The following SF3B3 variants were observed in gnomAD, a reference collection of about 807,000 sequenced individuals.
SF3B3 encodes splicing factor 3b subunit 3, also known as SAP 130.
A neutral mutation model predicts 139.2 loss-of-function variants in SF3B3; 33 were observed. The observed-to-expected ratio is 0.24, with a 90% CI of 0.18 to 0.32. The LOEUF is 0.32. Among genes scored for constraint, SF3B3 ranks in the 10% least tolerant of loss-of-function variants. SF3B3 has a pLI of 1.00. For synonymous variants in SF3B3, 596 were observed against 563.6 expected, an observed-to-expected ratio of 1.06 and a Z score of -0.81; for missense variants, 818 against 1,509.4, an observed-to-expected ratio of 0.54 and a Z score of 7.59.
Position 70,573,049 on chromosome 16 carries a change from G to A in SF3B3, c.*1236G>A, listed in dbSNP as rs979226507. The A allele has an allele frequency of 1.3e-5, 2 of 152,168 alleles. No homozygotes were observed. Among genetic ancestry groups the A allele is most frequent in the Non-Finnish European group, 2.9e-5 (2 of 68,034 alleles). The allele number at this position is 152,168 out of a possible 1,614,324, so 9.4% of individuals were successfully genotyped here. ...CACTGGGTTAGAATCAGGAATGGTG[G>A]AATACAATCTGAACCTCTCAGAGCC... On this transcript the variant is annotated 3_prime_UTR_variant, in exon 26 of 26. Coordinates refer to ENST00000302516, the MANE Select transcript of SF3B3 (RefSeq NM_012426.5).
chr16:70,539,712 A>G (rs1360365132), intron 8 of SF3B3, among the ~76,000 whole-genome samples: 2 of 152,018 alleles, frequency 1.3e-5, no homozygotes, highest in Non-Finnish European at 2.9e-5. Context: ...CTCTGTAGGT[A>G]TCTCCAGAAC....
Position 70,577,200 on chromosome 16 carries a change from G to A in SF3B3, c.*5387G>A, listed in dbSNP as rs1050401101. 1.3e-5 allele frequency: 2 copies of A among 152,356 alleles called. No homozygotes were observed. Among genetic ancestry groups the A allele is most frequent in the Non-Finnish European group, 2.9e-5 (2 of 68,144 alleles). The allele number at this position is 152,356 out of a possible 1,614,324, so 9.4% of individuals were successfully genotyped here. ...AACGCACATGACTGAGTGCTCAGGG[G>A]TTCTGAGGCTTGTCCGCTGACCTGG... On this transcript the variant is annotated 3_prime_UTR_variant, in exon 26 of 26. Coordinates refer to ENST00000302516, the MANE Select transcript of SF3B3 (RefSeq NM_012426.5).
intron 24 of SF3B3, among the ~76,000 whole-genome samples, chr16:70,570,754 G>A (rs1476812421): frequency 6.6e-6 from 1 of 152,210 alleles, no homozygotes; most frequent in Admixed American, 6.5e-5. Flanking sequence ...TTGATGGGAT[G>A]ATCCCTCCTG....
At position 70,548,392 on chromosome 16, in the gene SF3B3, A is replaced by G; in HGVS notation, c.1352A>G (p.Glu451Gly). 1.2e-6 allele frequency: 2 copies of G among 1,613,996 alleles called. No individual in the cohort carries two copies. The highest frequency in any genetic ancestry group is 1.7e-6 in the Non-Finnish European group (2 of 1,180,004). Residue 451 changes from glutamate to glycine, a missense_variant, in exon 11 of 26, where the codon GAG (glutamate) becomes GGG (glycine). This residue lies in a region of SF3B3 where 31 missense variants were observed against 77.3 expected (regional missense o/e 0.40). Transcript: ENST00000302516. ...GLEVSEMAVS[E>G]LPGNPNAVWT... ...CAGGTGTCAGAAATGGCTGTTTCTG[A>G]GCTACCTGGTAACCCCAACGCTGTC...
At chr16:70,529,340 C>T (rs2050098381) in intron 3 of SF3B3, 141 bp downstream of exon 3, 2 of 658,290 alleles carry the variant, frequency 3.0e-6, no homozygotes, top group Admixed American at 3.2e-5. Context: ...AGTTGCATTT[C>T]CTTTTTAAAA....
chr16:70,550,988 C>T (rs2050319644), intron 11 of SF3B3, among the ~76,000 whole-genome samples: 2 of 152,206 alleles, frequency 1.3e-5, no homozygotes, highest in Admixed American at 6.5e-5. Flanking sequence ...TCCAGGTGTA[C>T]TGACTGAAAG....
Position 70,568,223 on chromosome 16 carries a change from T to TA in SF3B3, c.2953-60_2953-59insA, listed in dbSNP as rs2050495356. On this transcript the variant is annotated intron_variant, in intron 21 of 25. Transcript: ENST00000302516. The stretch of plus-strand genomic sequence containing the variant: ...GTATGTCATACGGAAAGCTGGGCTT[T>TA]CTTTGGGTTCTGAACCCCAAGATTA... 3 of 1,319,742 alleles carry TA rather than the reference T, an allele frequency of 2.3e-6. No individual in the cohort carries two copies. In the East Asian group the frequency reaches 7.0e-5, roughly 31 times the overall value. The allele number at this position is 1,319,742 out of a possible 1,614,324, so 81.8% of individuals were successfully genotyped here.
At chr16:70,533,806 T>G (rs1401318433) in intron 5 of SF3B3, among the ~76,000 whole-genome samples, 2 of 152,220 alleles carry the variant, frequency 1.3e-5, no homozygotes, top group Admixed American at 1.3e-4. Flanking sequence ...GCACTTACCT[T>G]TGTTAATACG....
chr16:70,567,415 C>T lies in SF3B3; in HGVS notation c.2831C>T (p.Pro944Leu). The change falls in exon 21 of 26, where the codon CCT becomes CTT. Residue 944 changes from proline to leucine, a missense_variant. By Grantham distance (98) the Pro-to-Leu change is moderately conservative. This residue lies in a region of SF3B3 where 145 missense variants were observed against 153.6 expected (regional missense o/e 0.94). Transcript: ENST00000302516. ...TTACCTGCTTTTCCTCTATAGACTCCTGTGGAAGAGGTCCCTGCTGCTATT... is the reference window on the plus strand; with the variant it reads ...TTACCTGCTTTTCCTCTATAGACTCTTGTGGAAGAGGTCCCTGCTGCTATT... Reference protein sequence around the residue: ...GEKLEFLHKTPVEEVPAAIAP... With the variant: ...GEKLEFLHKTLVEEVPAAIAP... 1 of 1,613,492 alleles carries T rather than the reference C, an allele frequency of 6.2e-7. No homozygotes were observed. The highest frequency in any genetic ancestry group is 8.5e-7 in the Non-Finnish European group (1 of 1,179,786).
At chr16:70,567,270 C>T in intron 20 of SF3B3, 141 bp from the exon 21 acceptor site, 2 of 883,780 alleles carry the variant, frequency 2.3e-6, no homozygotes, top group South Asian at 3.4e-5. Context: ...ACCCCAACAC[C>T]CAGATTCATT....
intron 3 of SF3B3, chr16:70,529,558 G>T (rs1228839440): frequency 1.7e-5 from 4 of 228,988 alleles, no homozygotes; most frequent in Non-Finnish European, 3.5e-5. Context: ...ATAAATTCTT[G>T]AAGAAAATTT....
chr16:70,549,130 A>G lies in SF3B3; in HGVS notation c.1402+688A>G, dbSNP rs527681805. Among the ~76,000 whole-genome samples, 15 of 152,356 alleles carry G rather than the reference A, an allele frequency of 9.8e-5. 1 individual carries two copies. In the South Asian group the frequency reaches 3.1e-3, roughly 32 times the overall value. On this transcript the variant is annotated intron_variant, in intron 11 of 25. Coordinates refer to ENST00000302516, the MANE Select transcript of SF3B3 (RefSeq NM_012426.5). ...TCAGTCTCATTTTCCCTTGATTCAC[A>G]TTGGAGCTACGTTTTTCTCTTGTTC...
At chr16:70,552,528 C>T (rs745859897) in intron 11 of SF3B3, among the ~76,000 whole-genome samples, 1 of 152,156 alleles carries the variant, frequency 6.6e-6, no homozygotes, top group Non-Finnish European at 1.5e-5. Context: ...ACAAAGCCAT[C>T]TTATAAGACG....
At chr16:70,569,925 T>G in intron 23 of SF3B3, 81 bp from the exon 24 acceptor site, 1 of 1,505,656 alleles carries the variant, frequency 6.6e-7, no homozygotes. Flanking sequence ...GAAATGTGCC[T>G]TAGGGAGCAC....
At chr16:70,525,059 TCTC>T (rs200989653) in intron 1 of SF3B3, 7,054 of 152,144 alleles carry the variant, frequency 0.046, 220 homozygotes, top group Non-Finnish European at 0.065. Context: ...TGAGACGAAG[TCTC>T]GCTGTCGCCC....
At chr16:70,561,985 T>G (rs2050433195) in intron 17 of SF3B3, among the ~76,000 whole-genome samples, 1 of 152,210 alleles carries the variant, frequency 6.6e-6, no homozygotes, top group African/African-American at 2.4e-5. Context: ...TTAGCTTCTG[T>G]TAAGATTTTC....
intron 10 of SF3B3, among the ~76,000 whole-genome samples, chr16:70,546,900 C>T (rs1043124738): frequency 1.6e-4 from 24 of 151,880 alleles, no homozygotes; most frequent in African/African-American, 5.1e-4. Context: ...TGGTGGCGGG[C>T]GCCTGTAGTC....
intron 21 of SF3B3, 112 bp from the exon 22 acceptor site, chr16:70,568,171 T>G: frequency 1.3e-6 from 1 of 792,388 alleles, no homozygotes; most frequent in Admixed American, 2.0e-5. Context: ...TGCTGGTTTT[T>G]GGTATTTGCT....
At chr16:70,563,510 G>T (rs539743099) in intron 17 of SF3B3, among the ~76,000 whole-genome samples, 38 of 152,118 alleles carry the variant, frequency 2.5e-4, no homozygotes, top group Non-Finnish European at 4.1e-4. Flanking sequence ...ATTTTATGAA[G>T]CACAGTCACT....
Sources: gnomAD v4.1 joint callset for allele counts (sites outside exome capture counted in the v4.1 genomes callset) on GRCh38, gnomAD v4.1.1 for gene constraint, gnomAD v4.1.1 regional missense constraint, MANE v1.5 for transcripts, NCBI Gene and HGNC (gene_info 2026-07-23, HGNC 2026-07-21) for gene names.